The following USP15 variants were observed in gnomAD, a reference collection of about 807,000 sequenced individuals.
USP15 encodes ubiquitin specific peptidase 15.
Under a neutral mutation model 127.1 loss-of-function variants are expected in USP15, and 18 were observed. The ratio of observed to expected loss-of-function variants is 0.14; its 90% confidence interval spans 0.10 to 0.21. The LOEUF (loss-of-function observed/expected upper bound fraction) is 0.21, where lower values mean the gene tolerates loss of function less well. Among genes scored for constraint, USP15 ranks in the 10% least tolerant of loss-of-function variants. The probability of loss-of-function intolerance (pLI) is 1.00; values close to 1 mark genes in which losing one functional copy is unlikely to be tolerated. For synonymous variants in USP15, 364 were observed against 393.7 expected (o/e 0.92, Z 0.89); for missense variants, 805 against 1,159.9 (o/e 0.69, Z 4.44).
intron 8 of USP15, among the ~76,000 whole-genome samples, chr12:62,377,948 T>TA (rs1415072175): frequency 6.6e-6 from 1 of 152,104 alleles, no homozygotes; most frequent in Non-Finnish European, 1.5e-5. Context: ...GGCTCATGAC[T>TA]GTAATCCCAG....
At chr12:62,318,192 T>C (rs2064884699) in intron 4 of USP15, among the ~76,000 whole-genome samples, 2 of 152,296 alleles carry the variant, frequency 1.3e-5, no homozygotes, top group South Asian at 2.1e-4. Context: ...CCCTAGGCTG[T>C]TGTTATCTGT....
At chr12:62,350,680 A>T (rs1227948180) in intron 7 of USP15, among the ~76,000 whole-genome samples, 3 of 152,184 alleles carry the variant, frequency 2.0e-5, no homozygotes, top group Non-Finnish European at 4.4e-5. Flanking sequence ...GTTGAAGTAC[A>T]GTGTCACAAT....
chr12:62,340,308 A>G (rs577779225), intron 6 of USP15, among the ~76,000 whole-genome samples: 3 of 151,682 alleles, frequency 2.0e-5, no homozygotes, highest in African/African-American at 4.9e-5. Flanking sequence ...CAGTCTATCT[A>G]TTTTATTTTT....
At chr12:62,380,797 T>A (rs1022514439) in intron 8 of USP15, among the ~76,000 whole-genome samples, 1 of 152,228 alleles carries the variant, frequency 6.6e-6, no homozygotes, top group East Asian at 1.9e-4. Flanking sequence ...GTCTGCCATG[T>A]TTTATTTTAA....
intron 3 of USP15, among the ~76,000 whole-genome samples, chr12:62,307,319 A>G (rs1005843580): frequency 3.3e-5 from 5 of 152,216 alleles, no homozygotes; most frequent in African/African-American, 1.2e-4. Context: ...GTTAGATAGA[A>G]TAATTTTCAG....
At chr12:62,336,570 C>A in intron 6 of USP15, 1 of 827,590 alleles carries the variant, frequency 1.2e-6, no homozygotes, top group Non-Finnish European at 1.5e-6. Flanking sequence ...TTGTCATATT[C>A]GAAATTGAAA....
chr12:62,314,026 CT>C, intron 3 of USP15: 1 of 897,302 alleles, frequency 1.1e-6, no homozygotes, highest in Non-Finnish European at 1.3e-6. Flanking sequence ...TACAGTTAAC[CT>C]TTAGAAGATC....
chr12:62,335,735 A>G (rs994920643), intron 6 of USP15: 3 of 985,358 alleles, frequency 3.0e-6, no homozygotes, highest in Non-Finnish European at 3.6e-6. Context: ...AGCCACCTAC[A>G]TTTAAAAGGC....
intron 6 of USP15, among the ~76,000 whole-genome samples, chr12:62,348,203 G>T (rs1336111961): frequency 6.6e-6 from 1 of 151,980 alleles, no homozygotes; most frequent in East Asian, 1.9e-4. Flanking sequence ...ACGAAACCCT[G>T]TCTCTAAAAA....
intron 4 of USP15, among the ~76,000 whole-genome samples, chr12:62,316,954 T>C (rs2064846621): frequency 6.6e-6 from 1 of 152,158 alleles, no homozygotes; most frequent in Admixed American, 6.6e-5. Context: ...TAACATTATA[T>C]ATGAACCCAA....
chr12:62,289,500 G>C (rs1223987547), intron 1 of USP15, among the ~76,000 whole-genome samples: 1 of 151,578 alleles, frequency 6.6e-6, no homozygotes, highest in East Asian at 1.9e-4. Context: ...CTCTCTTCTT[G>C]GTTAGTCTAG....
intron 2 of USP15, among the ~76,000 whole-genome samples, chr12:62,297,879 T>C (rs1483582480): frequency 6.6e-6 from 1 of 152,140 alleles, no homozygotes; most frequent in Non-Finnish European, 1.5e-5. Context: ...AATTGTCTTA[T>C]AAAGCTCACT....
chr12:62,265,577 C>T (rs186502551), intron 1 of USP15, among the ~76,000 whole-genome samples: 2 of 152,276 alleles, frequency 1.3e-5, no homozygotes, highest in East Asian at 1.9e-4. Context: ...GACAGAGTCT[C>T]GCTTCATCAC....
chr12:62,354,004 A>T (rs1442802765), intron 7 of USP15, among the ~76,000 whole-genome samples: 1 of 151,842 alleles, frequency 6.6e-6, no homozygotes, highest in Non-Finnish European at 1.5e-5. Context: ...TGAGGAGTTG[A>T]CCTCTTTTGT....
chr12:62,387,331 C>T (rs994980042), intron 11 of USP15, among the ~76,000 whole-genome samples: 7 of 152,154 alleles, frequency 4.6e-5, no homozygotes, highest in African/African-American at 1.7e-4. Context: ...AAGGGACTGT[C>T]ATTAATAATT....
intron 1 of USP15, among the ~76,000 whole-genome samples, chr12:62,272,057 A>G (rs1336183815): frequency 6.6e-6 from 1 of 151,848 alleles, no homozygotes; most frequent in East Asian, 1.9e-4. Context: ...GTACTTAAAA[A>G]AAAAGTCAGT....
intron 1 of USP15, among the ~76,000 whole-genome samples, chr12:62,262,792 A>G (rs1173209720): frequency 6.6e-6 from 1 of 152,128 alleles, no homozygotes; most frequent in Non-Finnish European, 1.5e-5. Flanking sequence ...ATGAACCATG[A>G]CTAAATACAA....
At chr12:62,371,032 C>T (rs1365101340) in intron 8 of USP15, among the ~76,000 whole-genome samples, 5 of 152,240 alleles carry the variant, frequency 3.3e-5, no homozygotes, top group Non-Finnish European at 7.4e-5. Flanking sequence ...TGTGAACTAT[C>T]AAAATATATC....
chr12:62,314,739 TG>T (rs1164715875), intron 3 of USP15, 50 bp from the exon 4 acceptor site: 1 of 1,401,688 alleles, frequency 7.1e-7, no homozygotes. Flanking sequence ...GTTATTAGAG[TG>T]AAATATATTG....
Sources: allele counts gnomAD v4.1 joint callset (sites outside exome capture counted in the v4.1 genomes callset), GRCh38; gene constraint gnomAD v4.1.1; transcripts MANE v1.5; gene names NCBI Gene and HGNC (gene_info 2026-07-23, HGNC 2026-07-21).